HACD3: variants seen among roughly 807,000 people sequenced by gnomAD.
The protein encoded by HACD3 is very-long-chain (3R)-3-hydroxyacyl-CoA dehydratase 3.
Under a neutral mutation model 55.2 loss-of-function variants are expected in HACD3, and 30 were observed. That is an observed-to-expected ratio of 0.54 (90% CI 0.41 to 0.74). The LOEUF (loss-of-function observed/expected upper bound fraction) is 0.74. Ranked by LOEUF, HACD3 falls within the 30% of genes least tolerant of loss-of-function variation. The pLI is 0.00. For synonymous variants in HACD3, 141 were observed against 151.7 expected (o/e 0.93, Z 0.52); for missense variants, 363 against 440.1 (o/e 0.82, Z 1.57).
At chr15:65,533,812 G>T (rs2071927197) in intron 1 of HACD3, among the ~76,000 whole-genome samples, 1 of 151,464 alleles carries the variant, frequency 6.6e-6, no homozygotes, top group Non-Finnish European at 1.5e-5. Flanking sequence ...AGCACTATGG[G>T]AGGCCGAGAC....
At position 65,578,055 on chromosome 15, in the gene HACD3, G is replaced by C. The variant is rs2072426893; in HGVS notation, c.*1676G>C. On this transcript the variant is annotated 3_prime_UTR_variant, in exon 11 of 11. Coordinates refer to ENST00000261875, the MANE Select transcript of HACD3 (RefSeq NM_016395.4). The stretch of plus-strand genomic sequence containing the variant: ...GTTAATACTATTTCACTGAGCCCAA[G>C]ATGGAAACTTGGTTTGACCTAAAAC... The C allele has an allele frequency of 6.6e-6, 1 of 152,318 alleles. No homozygotes were observed. The highest frequency in any genetic ancestry group is 2.4e-5 in the African/African-American group (1 of 41,452). The allele number at this position is 152,318 out of a possible 1,614,324, so 9.4% of individuals were successfully genotyped here. A position where few individuals can be genotyped will look rare whatever the true frequency, so the allele number is the denominator to read the frequency against.
In HACD3 at chr15:65,559,390, G is replaced by A. The variant is rs531234905; in HGVS notation, c.421+659G>A. 9.2e-5 allele frequency among the ~76,000 whole-genome samples: 14 copies of A among 151,946 alleles called. No individual in the cohort carries two copies. In the South Asian group the frequency reaches 2.9e-3, roughly 32 times the overall value. ...AAAAGGGCTTACATTCTTAGTGAGG[G>A]AACTGCAGGTGTATGTAAAACTACC... On this transcript the variant is annotated intron_variant, in intron 5 of 10. Transcript: ENST00000261875.
At chr15:65,568,516 G>A (rs1341396500) in intron 7 of HACD3, among the ~76,000 whole-genome samples, 5 of 151,526 alleles carry the variant, frequency 3.3e-5, no homozygotes, top group African/African-American at 1.2e-4. Flanking sequence ...CTGCCACCAC[G>A]CCTGGCTAAT....
chr15:65,553,386 A>G (rs911323437), intron 2 of HACD3, among the ~76,000 whole-genome samples: 3 of 151,810 alleles, frequency 2.0e-5, no homozygotes, highest in African/African-American at 7.3e-5. Flanking sequence ...ATCTGCCTCT[A>G]TCTGCCTTCT....
intron 10 of HACD3, among the ~76,000 whole-genome samples, chr15:65,572,920 A>G: frequency 6.9e-6 from 1 of 144,124 alleles, no homozygotes; most frequent in East Asian, 2.0e-4. Flanking sequence ...GTCTCAAAAA[A>G]AAAAAAAAAA....
Position 65,530,561 on chromosome 15 carries a change from G to T in HACD3, c.-71G>T, listed in dbSNP as rs907729922. ...GGTTTGAGGCCTGCTTTCTGCTCGC[G>T]CCAGCAGAGCACTACCTGAGGCAGC... On this transcript the variant is annotated 5_prime_UTR_variant, in exon 1 of 11. Transcript: ENST00000261875. The T allele has an allele frequency of 4.4e-5, 61 of 1,398,868 alleles. No homozygotes were observed. The African/African-American group carries it at 5.7e-4, about 13-fold the overall frequency. The allele number at this position is 1,398,868 out of a possible 1,614,324, so 86.7% of individuals were successfully genotyped here.
At chr15:65,569,013 C>T (rs972981286) in intron 7 of HACD3, among the ~76,000 whole-genome samples, 5 of 149,430 alleles carry the variant, frequency 3.3e-5, no homozygotes, top group Middle Eastern at 3.6e-3. Context: ...TTTGGGAGGC[C>T]GAGGCGGGTG....
intron 7 of HACD3, among the ~76,000 whole-genome samples, chr15:65,569,033 G>A (rs1381983206): frequency 6.6e-6 from 1 of 150,596 alleles, no homozygotes; most frequent in Non-Finnish European, 1.5e-5. Flanking sequence ...GGATCACAAG[G>A]TCAGGAGATC....
At chr15:65,567,448 C>T (rs906981728) in intron 7 of HACD3, among the ~76,000 whole-genome samples, 6 of 152,118 alleles carry the variant, frequency 3.9e-5, no homozygotes, top group Middle Eastern at 3.2e-3. Context: ...AATATACAGA[C>T]GTAATTTTCT....
rs191685666 is a variant in HACD3, at chr15:65,550,232, C to A, written c.88-1444C>A. On this transcript the variant is annotated intron_variant, in intron 1 of 10. Transcript: ENST00000261875. The stretch of plus-strand genomic sequence containing the variant: ...GTGAAACCTCGTCTCTGCAAAAATA[C>A]AAAAATTAGCCGGGCATGATGGCAG... 1.2e-3 allele frequency among the ~76,000 whole-genome samples: 175 copies of A among 152,118 alleles called. 1 individual carries two copies. Among genetic ancestry groups the A allele is most frequent in the African/African-American group, 4.0e-3 (167 of 41,532 alleles).
chr15:65,554,873 T>G lies in HACD3; in HGVS notation c.131-14T>G, dbSNP rs751498658. ...TGCTCAAGTTTGCAGTAACCCACAT[T>G]TCTTTCTTTATAGCTCAAGGACATG... On this transcript the variant is annotated splice_polypyrimidine_tract_variant and intron_variant, in intron 2 of 10. Transcript: ENST00000261875. The G allele has an allele frequency of 8.7e-6, 14 of 1,602,670 alleles. No individual in the cohort carries two copies. The Admixed American group carries it at 2.3e-4, about 27-fold the overall frequency.
intron 1 of HACD3, among the ~76,000 whole-genome samples, chr15:65,546,111 G>T (rs115588424): frequency 1.3e-5 from 2 of 152,296 alleles, no homozygotes; most frequent in East Asian, 3.9e-4. Flanking sequence ...TGAGCGACCC[G>T]TCTTGAATGT....
chr15:65,567,341 A>G (rs1365581511), intron 7 of HACD3, among the ~76,000 whole-genome samples: 1 of 152,124 alleles, frequency 6.6e-6, no homozygotes, highest in Non-Finnish European at 1.5e-5. Context: ...AAAAATAAAA[A>G]TTTAATGGAT....
chr15:65,543,575 CTA>C (rs1455517959), intron 1 of HACD3, among the ~76,000 whole-genome samples: 1 of 152,160 alleles, frequency 6.6e-6, no homozygotes, highest in African/African-American at 2.4e-5. Flanking sequence ...GGAAACTTCA[CTA>C]TGACATCGTT....
intron 5 of HACD3, among the ~76,000 whole-genome samples, chr15:65,559,924 C>T (rs955451206): frequency 2.6e-5 from 4 of 151,962 alleles, no homozygotes; most frequent in Non-Finnish European, 5.9e-5. Context: ...GTTTTCTGAA[C>T]AAGGAAGTTC....
At chr15:65,548,490 G>C (rs995189170) in intron 1 of HACD3, among the ~76,000 whole-genome samples, 4 of 149,034 alleles carry the variant, frequency 2.7e-5, no homozygotes, top group African/African-American at 1.0e-4. Context: ...CCAGCCCTGG[G>C]TGACAGAGGG....
At chr15:65,572,808 A>T (rs1596220433) in intron 10 of HACD3, among the ~76,000 whole-genome samples, 1 of 151,566 alleles carries the variant, frequency 6.6e-6, no homozygotes, top group Admixed American at 6.6e-5. Flanking sequence ...TCAGCTACTC[A>T]GGAGGCTGAG....
At chr15:65,537,954 AAAAAATATATATATATATATATAT>A (rs1431910299) in intron 1 of HACD3, among the ~76,000 whole-genome samples, 2,161 of 8,138 alleles carry the variant, frequency 0.27, 102 homozygotes, top group Non-Finnish European at 0.38. Context: ...AAAAAAAAAA[AAAAAATATATATATATATATATAT>A]ATATATATAT....
At chr15:65,552,962 G>A (rs934023832) in intron 2 of HACD3, 4 of 151,140 alleles carry the variant, frequency 2.6e-5, no homozygotes, top group African/African-American at 7.3e-5. Flanking sequence ...TTGTTCTTGC[G>A]ATAGTTTACT....
Sources: gnomAD v4.1 joint callset for allele counts (sites outside exome capture counted in the v4.1 genomes callset) on GRCh38, gnomAD v4.1.1 for gene constraint, MANE v1.5 for transcripts, NCBI Gene and HGNC (gene_info 2026-07-23, HGNC 2026-07-21) for gene names.